NUP153: variants seen among roughly 807,000 people sequenced by gnomAD.
NUP153 encodes nucleoporin 153.
NUP153 carries 27 observed loss-of-function variants against 134.6 expected under a neutral mutation model. The observed-to-expected ratio is 0.20, with a 90% CI of 0.15 to 0.28. The LOEUF (loss-of-function observed/expected upper bound fraction) is 0.28, where lower values mean the gene tolerates loss of function less well. Ranked by LOEUF, NUP153 falls within the 10% of genes least tolerant of loss-of-function variation. The probability of loss-of-function intolerance (pLI) is 1.00; values close to 1 mark genes in which losing one functional copy is unlikely to be tolerated. For missense variants in NUP153, 1,821 were observed against 1,731.3 expected, an observed-to-expected ratio of 1.05 and a Z score of -0.92; for synonymous variants, 640 against 623.5, an observed-to-expected ratio of 1.03 and a Z score of -0.40.
intron 15 of NUP153, among the ~76,000 whole-genome samples, chr6:17,639,541 T>C (rs150314375): frequency 1.0e-3 from 156 of 152,356 alleles, no homozygotes; most frequent in South Asian, 2.3e-3. Context: ...CCTATGTATA[T>C]GTTACAATTC....
At position 17,680,184 on chromosome 6, in the gene NUP153, T is replaced by C. The variant is rs556538561; in HGVS notation, c.335-4414A>G. On this transcript the variant is annotated intron_variant, in intron 2 of 21. Coordinates refer to ENST00000262077, the MANE Select transcript of NUP153 (RefSeq NM_005124.4). This position sits in a 1 kb window ranked among gnomAD's most constrained non-coding sequence, Gnocchi z 4.5. ...AAATAAAAGTCCTGTCTGGGAAATC[T>C]GCTTGGGTCCGTGTTAATTTCCATT... 6.6e-6 allele frequency among the ~76,000 whole-genome samples: 1 copy of C among 152,338 alleles called. No homozygotes were observed. Among genetic ancestry groups the C allele is most frequent in the African/African-American group, 2.4e-5 (1 of 41,586 alleles).
intron 2 of NUP153, among the ~76,000 whole-genome samples, chr6:17,685,755 A>C (rs745583008): frequency 6.6e-6 from 1 of 152,218 alleles, no homozygotes; most frequent in East Asian, 1.9e-4. Flanking sequence ...TACTCTATAG[A>C]ATACTATACT....
chr6:17,619,082 G>C (rs1290183544), intron 20 of NUP153, among the ~76,000 whole-genome samples: 2 of 152,148 alleles, frequency 1.3e-5, no homozygotes, highest in African/African-American at 4.8e-5. Context: ...TGATGTATCA[G>C]AACAATGGAG....
intron 5 of NUP153, among the ~76,000 whole-genome samples, chr6:17,671,138 T>C (rs1172217337): frequency 2.6e-5 from 4 of 152,170 alleles, no homozygotes; most frequent in African/African-American, 2.4e-5. Context: ...GAGTCAACCT[T>C]GCCTTCCCAG....
chr6:17,621,276 G>A (rs534193966), intron 20 of NUP153, among the ~76,000 whole-genome samples: 38 of 152,262 alleles, frequency 2.5e-4, no homozygotes, highest in Non-Finnish European at 5.0e-4. Context: ...TAGTATAACC[G>A]TTATGGAAAA....
At chr6:17,649,394 G>A in intron 11 of NUP153, 94 bp from the exon 12 acceptor site, 1 of 1,209,800 alleles carries the variant, frequency 8.3e-7, no homozygotes, top group African/African-American at 1.5e-5. Context: ...GGAAGAAGAT[G>A]GTACCATGTA....
intron 8 of NUP153, among the ~76,000 whole-genome samples, chr6:17,666,286 G>A (rs575217094): frequency 6.6e-6 from 1 of 152,298 alleles, no homozygotes; most frequent in African/African-American, 2.4e-5. Flanking sequence ...GGAGGCCGAA[G>A]CAGGTGGATC....
At chr6:17,694,207 T>C (rs905556326) in intron 1 of NUP153, among the ~76,000 whole-genome samples, 2 of 152,200 alleles carry the variant, frequency 1.3e-5, no homozygotes, top group African/African-American at 2.4e-5. Context: ...ATGCTTGACA[T>C]GTGGTATGTG....
At chr6:17,634,202 T>A (rs1446034048) in intron 16 of NUP153, among the ~76,000 whole-genome samples, 2 of 152,178 alleles carry the variant, frequency 1.3e-5, no homozygotes. Flanking sequence ...TCCATCTTCC[T>A]CTGAAGCAAC....
chr6:17,672,631 T>G (rs896230749), intron 5 of NUP153, among the ~76,000 whole-genome samples: 3 of 151,968 alleles, frequency 2.0e-5, no homozygotes, highest in Non-Finnish European at 2.9e-5. Flanking sequence ...CAAAGAACAG[T>G]CTTTTTAACA....
chr6:17,701,844 G>GGGGGGGGA (rs1554148666), intron 1 of NUP153, among the ~76,000 whole-genome samples: 2 of 81,704 alleles, frequency 2.4e-5, no homozygotes, highest in African/African-American at 4.3e-5. Context: ...GGGGGGGGGG[G>GGGGGGGGA]AAAAAAGCTA....
intron 9 of NUP153, among the ~76,000 whole-genome samples, chr6:17,662,941 AG>A (rs1193236925): frequency 1.3e-5 from 2 of 152,186 alleles, no homozygotes; most frequent in Non-Finnish European, 2.9e-5. Flanking sequence ...AAAAAACAAA[AG>A]GAACTGTTCT....
chr6:17,678,352 C>CAAAAAAAAAAAAAAAAAAAAAAAAAA (rs11428582), intron 2 of NUP153, among the ~76,000 whole-genome samples: 9 of 68,224 alleles, frequency 1.3e-4, no homozygotes, highest in Admixed American at 3.4e-4. Context: ...CCCTCTGTCT[C>CAAAAAAAAAAAAAAAAAAAAAAAAAA]AAAAAAAAAA....
chr6:17,624,334 G>C (rs555729145), intron 20 of NUP153, among the ~76,000 whole-genome samples: 2 of 152,262 alleles, frequency 1.3e-5, no homozygotes, highest in African/African-American at 4.8e-5. Context: ...ACTTAAGTCA[G>C]AGTAAAAATT....
chr6:17,691,275 CACTA>C (rs1379588416), intron 1 of NUP153, among the ~76,000 whole-genome samples: 1 of 152,210 alleles, frequency 6.6e-6, no homozygotes, highest in Non-Finnish European at 1.5e-5. Context: ...AGTTCTAGAA[CACTA>C]ACTACTGAAC....
intron 1 of NUP153, among the ~76,000 whole-genome samples, chr6:17,703,214 AT>A (rs1561918305): frequency 5.3e-5 from 8 of 149,560 alleles, no homozygotes; most frequent in African/African-American, 2.0e-4. Context: ...AAAAAAAAAA[AT>A]TAAAAAAAAA....
rs1210355371 is a variant in NUP153 at position 17,695,623 on chromosome 6, T to A, written c.112-7005A>T. The stretch of plus-strand genomic sequence containing the variant: ...GTTAAAGACTTACACAGAATATGTG[T>A]TTATGATGCACAGCCAACTATAAGA... On this transcript the variant is annotated intron_variant, in intron 1 of 21. Coordinates refer to ENST00000262077, the MANE Select transcript of NUP153 (RefSeq NM_005124.4). 2.0e-5 allele frequency among the ~76,000 whole-genome samples: 3 copies of A among 152,284 alleles called. No individual in the cohort carries two copies. The East Asian group carries it at 5.8e-4, about 29-fold the overall frequency.
chr6:17,637,174 A>T lies in NUP153; in HGVS notation c.2443T>A (p.Ser815Thr), dbSNP rs1354270248. ...ATACCTGGTTTCTCAGACATACAGGACACACACTTATTGTCTTCTGCATTA... is the reference window on the plus strand; with the variant it reads ...ATACCTGGTTTCTCAGACATACAGGTCACACACTTATTGTCTTCTGCATTA... Reference protein sequence around the residue: ...SNNAEDNKCVSCMSEKPGSSV... With the variant: ...SNNAEDNKCVTCMSEKPGSSV... The change falls in exon 16 of 22, where the codon TCC becomes ACC. Residue 815 changes from serine (S) to threonine (T), a missense_variant. Physicochemically the swap from Ser to Thr is moderately conservative, Grantham distance 58. Transcript: ENST00000262077. 13 of 1,611,776 alleles carry T rather than the reference A, an allele frequency of 8.1e-6. No individual in the cohort carries two copies. The highest frequency in any genetic ancestry group is 3.3e-5 in the Admixed American group (2 of 59,960).
rs147620438 is a variant in NUP153, at chr6:17,660,579, T to C, written c.1395+1074A>G. Among the ~76,000 whole-genome samples, 530 of 151,624 alleles carry C rather than the reference T, an allele frequency of 3.5e-3. 2 individuals carry two copies. Among genetic ancestry groups the C allele is most frequent in the African/African-American group, 0.012 (498 of 41,436 alleles). ...ATACATATACATACATATTTCTTAATATACATATAAGAAATTATATATATA... is the reference window on the plus strand; with the variant it reads ...ATACATATACATACATATTTCTTAACATACATATAAGAAATTATATATATA... On this transcript the variant is annotated intron_variant, in intron 11 of 21. Transcript: ENST00000262077.
Sources: gnomAD v4.1 joint callset for allele counts (sites outside exome capture counted in the v4.1 genomes callset) on GRCh38, gnomAD v4.1.1 for gene constraint, Gnocchi (gnomAD v3.1) non-coding constraint, MANE v1.5 for transcripts, NCBI Gene and HGNC (gene_info 2026-07-23, HGNC 2026-07-21) for gene names.